The following AGAP1 variants were observed in gnomAD, a reference collection of about 807,000 sequenced individuals.
The protein encoded by AGAP1 is arf-GAP with GTPase, ANK repeat and PH domain-containing protein 1.
A neutral mutation model predicts 105.3 loss-of-function variants in AGAP1; 29 were observed. The ratio of observed to expected loss-of-function variants is 0.28; its 90% confidence interval spans 0.21 to 0.38. The LOEUF is 0.38. Among genes scored for constraint, AGAP1 ranks in the 10% least tolerant of loss-of-function variants. The pLI is 1.00. For synonymous variants in AGAP1, 509 were observed against 485.9 expected (o/e 1.05, Z -0.63); for missense variants, 998 against 1,165.1 (o/e 0.86, Z 2.09).
chr2:235,903,543 A>G (rs1225145663), intron 10 of AGAP1, among the ~76,000 whole-genome samples: 12 of 152,194 alleles, frequency 7.9e-5, no homozygotes. Context: ...GAGAATCAAT[A>G]TAGTAAGGGT....
rs1228724564 is a variant in AGAP1 at position 236,123,479 on chromosome 2, T to C, written c.2371-440T>C. On this transcript the variant is annotated intron_variant, in intron 17 of 17. Coordinates refer to ENST00000304032, the MANE Select transcript of AGAP1 (RefSeq NM_001037131.3). This position sits in a 1 kb window ranked among gnomAD's most constrained non-coding sequence, Gnocchi z 4.6. Reference sequence around the variant, plus strand: ...TACATGTAGATTCAAAGAAAACTCATTGAAAGGAAATACACTAATTCACAA... The same window carrying C: ...TACATGTAGATTCAAAGAAAACTCACTGAAAGGAAATACACTAATTCACAA... Among the ~76,000 whole-genome samples, 1 of 152,198 alleles carries C rather than the reference T, an allele frequency of 6.6e-6. No homozygotes were observed. The highest frequency in any genetic ancestry group is 1.5e-5 in the Non-Finnish European group (1 of 68,034).
At chr2:235,898,482 A>T (rs187765920) in intron 10 of AGAP1, among the ~76,000 whole-genome samples, 1 of 51,618 alleles carries the variant, frequency 1.9e-5, no homozygotes, top group African/African-American at 7.8e-5. Flanking sequence ...TCCCCCCCCC[A>T]CCCCCACCCC....
At chr2:235,683,168 A>G (rs189359623) in intron 1 of AGAP1, among the ~76,000 whole-genome samples, 2 of 151,932 alleles carry the variant, frequency 1.3e-5, no homozygotes, top group African/African-American at 2.4e-5. Context: ...TTAGCTGGAC[A>G]TGGTGGCACA....
chr2:236,124,002 C>G lies in AGAP1; in HGVS notation c.2454C>G (p.Ile818Met). 1 of 1,614,066 alleles carries G rather than the reference C, an allele frequency of 6.2e-7. No individual in the cohort carries two copies. The highest frequency in any genetic ancestry group is 8.5e-7 in the Non-Finnish European group (1 of 1,180,012). ...YARQASSQEC[I>M]DVLLQYGCPD... ...GGCAGGCCTCCAGCCAGGAGTGCATCGACGTGCTGCTGCAGTACGGCTGCC... is the reference window on the plus strand; with the variant it reads ...GGCAGGCCTCCAGCCAGGAGTGCATGGACGTGCTGCTGCAGTACGGCTGCC... Residue 818 changes from isoleucine to methionine, a missense_variant, in exon 18 of 18, where the codon ATC (isoleucine) becomes ATG (methionine). Physicochemically the swap from Ile to Met is conservative, Grantham distance 10 (BLOSUM62 1). This residue lies in a region of AGAP1 where 235 missense variants were observed against 270.7 expected (regional missense o/e 0.87). Transcript: ENST00000304032. This position sits in a 1 kb window ranked among gnomAD's most constrained non-coding sequence, Gnocchi z 5.1.
chr2:235,812,046 C>T (rs994378778), intron 9 of AGAP1, among the ~76,000 whole-genome samples: 4 of 152,214 alleles, frequency 2.6e-5, no homozygotes, highest in Non-Finnish European at 5.9e-5. Context: ...CTGCGATGCC[C>T]GCCAAGGTGC....
At position 235,874,819 on chromosome 2, in the gene AGAP1, G is replaced by A. The variant is rs2049631785; in HGVS notation, c.1051-8526G>A. Among the ~76,000 whole-genome samples the A allele has an allele frequency of 6.6e-6, 1 of 152,226 alleles. No homozygotes were observed. The highest frequency in any genetic ancestry group is 6.5e-5 in the Admixed American group (1 of 15,282). On this transcript the variant is annotated intron_variant, in intron 9 of 17. Coordinates refer to ENST00000304032, the MANE Select transcript of AGAP1 (RefSeq NM_001037131.3). The surrounding 1 kb of genome is among the most constrained non-coding windows in gnomAD (Gnocchi z 4.5). ...ATACCATGAGTGTGTGTGTGCATGT[G>A]TGTGTGCGTGTGCTCTTGCACACGC...
chr2:235,910,686 A>G (rs965226729), intron 11 of AGAP1, among the ~76,000 whole-genome samples: 1 of 152,126 alleles, frequency 6.6e-6, no homozygotes, highest in African/African-American at 2.4e-5. Context: ...GGGAGGCCAA[A>G]ATGGGTGAAT....
At chr2:235,668,976 G>A (rs927552749) in intron 1 of AGAP1, among the ~76,000 whole-genome samples, 1 of 152,082 alleles carries the variant, frequency 6.6e-6, no homozygotes, top group Non-Finnish European at 1.5e-5. Flanking sequence ...TGGGGAGCAA[G>A]TGCTTACCTG....
rs1322288358 is a variant in AGAP1, at chr2:236,002,601, C to T, written c.1646-33960C>T. Among the ~76,000 whole-genome samples the T allele has an allele frequency of 1.3e-5, 2 of 152,098 alleles. No individual in the cohort carries two copies. The highest frequency in any genetic ancestry group is 2.4e-5 in the African/African-American group (1 of 41,410). On this transcript the variant is annotated intron_variant, in intron 13 of 17. Coordinates refer to ENST00000304032, the MANE Select transcript of AGAP1 (RefSeq NM_001037131.3). This position sits in a 1 kb window ranked among gnomAD's most constrained non-coding sequence, Gnocchi z 4.3. ...TACTTCATGCATTCCTGTTCATTGG[C>T]GGTCTTTGGCCTTTGAGAGTGGAAC... is the stretch of plus-strand genomic sequence containing the variant.
rs903588670 is a variant in AGAP1, at chr2:236,119,758, G to A, written c.2115-434G>A. On this transcript the variant is annotated intron_variant, in intron 16 of 17. Coordinates refer to ENST00000304032, the MANE Select transcript of AGAP1 (RefSeq NM_001037131.3). This position sits in a 1 kb window ranked among gnomAD's most constrained non-coding sequence, Gnocchi z 6.6. ...AGTAGGGTGGTTTCCCCTGTGCATCGGTGTGTGAGAGCCACTGATCCAAGG... is the reference window on the plus strand; with the variant it reads ...AGTAGGGTGGTTTCCCCTGTGCATCAGTGTGTGAGAGCCACTGATCCAAGG... Among the ~76,000 whole-genome samples, 1 of 152,086 alleles carries A rather than the reference G, an allele frequency of 6.6e-6. No homozygotes were observed. Among genetic ancestry groups the A allele is most frequent in the African/African-American group, 2.4e-5 (1 of 41,416 alleles).
In AGAP1 at chr2:235,979,357, G is replaced by C. The variant is rs1247216564; in HGVS notation, c.1645+10734G>C. On this transcript the variant is annotated intron_variant, in intron 13 of 17. Coordinates refer to ENST00000304032, the MANE Select transcript of AGAP1 (RefSeq NM_001037131.3). This position sits in a 1 kb window ranked among gnomAD's most constrained non-coding sequence, Gnocchi z 4.5. ...CCCCCCTGTCGTTCATTTGAATCCT[G>C]CATCGCTGATTTAAGTGTTAATCAA... Among the ~76,000 whole-genome samples the C allele has an allele frequency of 6.6e-6, 1 of 152,106 alleles. No homozygotes were observed. The highest frequency in any genetic ancestry group is 6.5e-5 in the Admixed American group (1 of 15,282).
intron 1 of AGAP1, chr2:235,670,561 C>G: frequency 6.0e-6 from 3 of 496,838 alleles, no homozygotes; most frequent in Non-Finnish European, 3.5e-6. Context: ...GGAGCCTGAG[C>G]TTCAGGCACT....
chr2:236,111,649 AAGCATGGTGGT>A (rs1559287022), intron 16 of AGAP1, among the ~76,000 whole-genome samples: 2 of 152,036 alleles, frequency 1.3e-5, no homozygotes, highest in African/African-American at 4.8e-5. Context: ...AAAATTAGCC[AAGCATGGTGGT>A]ATACACCTGT....
chr2:235,956,900 C>T (rs2053975064), intron 12 of AGAP1, among the ~76,000 whole-genome samples: 1 of 152,250 alleles, frequency 6.6e-6, no homozygotes, highest in African/African-American at 2.4e-5. Context: ...CTCTGACCCT[C>T]TCCCCCGTCT....
At position 235,977,546 on chromosome 2, in the gene AGAP1, G is replaced by A. The variant is rs982158926; in HGVS notation, c.1645+8923G>A. ...TCTCATGCACGAGGGTGTTTTTCTC[G>A]GCCTCTGCAGCCCTCAGATGTTCCC... On this transcript the variant is annotated intron_variant, in intron 13 of 17. Transcript: ENST00000304032. The surrounding 1 kb of genome is among the most constrained non-coding windows in gnomAD (Gnocchi z 5.2). Among the ~76,000 whole-genome samples, 5 of 152,010 alleles carry A rather than the reference G, an allele frequency of 3.3e-5. No homozygotes were observed. The highest frequency in any genetic ancestry group is 5.9e-5 in the Non-Finnish European group (4 of 68,008).
At chr2:235,938,216 A>G (rs1441160149) in intron 12 of AGAP1, among the ~76,000 whole-genome samples, 2 of 152,244 alleles carry the variant, frequency 1.3e-5, no homozygotes, top group African/African-American at 4.8e-5. Context: ...TCCCTGCTTC[A>G]GATGAGGAGA....
rs1228309874 is a variant in AGAP1 at position 235,549,572 on chromosome 2, G to A, written c.163+54723G>A. Among the ~76,000 whole-genome samples, 1 of 152,166 alleles carries A rather than the reference G, an allele frequency of 6.6e-6. No individual in the cohort carries two copies. The highest frequency in any genetic ancestry group is 2.1e-4 in the South Asian group (1 of 4,820). On this transcript the variant is annotated intron_variant, in intron 1 of 17. Coordinates refer to ENST00000304032, the MANE Select transcript of AGAP1 (RefSeq NM_001037131.3). This position sits in a 1 kb window ranked among gnomAD's most constrained non-coding sequence, Gnocchi z 4.2. ...GTTGCATTGCTCCTCCGTCTTCCGC[G>A]TGCCTGTGGGCAGCTTTTGTTCCTT... is the stretch of plus-strand genomic sequence containing the variant.
At chr2:235,495,116 G>T (rs1346066488) in intron 1 of AGAP1, among the ~76,000 whole-genome samples, 1 of 152,166 alleles carries the variant, frequency 6.6e-6, no homozygotes, top group African/African-American at 2.4e-5. Context: ...AAGTGGCTCG[G>T]TGCCTCCGCG....
Position 235,686,648 on chromosome 2 carries a change from T to G in AGAP1, c.164-22531T>G, listed in dbSNP as rs1485387481. Reference sequence around the variant, plus strand: ...ATATATATATATATATATATATAGATATATATATATATATATATTTTTTTT... The same window carrying G: ...ATATATATATATATATATATATAGAGATATATATATATATATATTTTTTTT... On this transcript the variant is annotated intron_variant, in intron 1 of 17. Coordinates refer to ENST00000304032, the MANE Select transcript of AGAP1 (RefSeq NM_001037131.3). 5.5e-4 allele frequency among the ~76,000 whole-genome samples: 26 copies of G among 47,622 alleles called. 1 individual carries two copies. Among genetic ancestry groups the G allele is most frequent in the South Asian group, 2.7e-3 (3 of 1,132 alleles). The allele number at this position is 47,622 out of a possible 152,430, so 31.2% of individuals were successfully genotyped here.
Sources: allele counts gnomAD v4.1 joint callset (sites outside exome capture counted in the v4.1 genomes callset), GRCh38; gene constraint gnomAD v4.1.1; regional missense constraint gnomAD v4.1.1; non-coding constraint Gnocchi (gnomAD v3.1); transcripts MANE v1.5; gene names NCBI Gene and HGNC (gene_info 2026-07-23, HGNC 2026-07-21).